COL19A1: variants seen among roughly 807,000 people sequenced by gnomAD.
The protein encoded by COL19A1 is collagen alpha-1(XIX) chain.
Under a neutral mutation model 190.2 loss-of-function variants are expected in COL19A1, and 159 were observed. The ratio of observed to expected loss-of-function variants is 0.84; its 90% CI spans 0.73 to 0.95. The LOEUF is 0.95. Ranked by LOEUF, COL19A1 falls within the 40% of genes least tolerant of loss-of-function variation. The pLI, the probability that COL19A1 is intolerant of heterozygous loss-of-function variation, is 0.00. For missense variants in COL19A1, 1,418 were observed against 1,431.9 expected (o/e 0.99, Z 0.16); for synonymous variants, 509 against 458.9 (o/e 1.11, Z -1.39).
intron 4 of COL19A1, among the ~76,000 whole-genome samples, chr6:69,915,207 A>G (rs1771209732): frequency 6.6e-6 from 1 of 152,196 alleles, no homozygotes. Flanking sequence ...AAGTAAACAA[A>G]TTTATGAGCT....
At chr6:70,197,507 T>A (rs17690121) in intron 48 of COL19A1, among the ~76,000 whole-genome samples, 5,897 of 152,258 alleles carry the variant, frequency 0.039, 153 homozygotes, top group Non-Finnish European at 0.059. Flanking sequence ...CTGTGATTAT[T>A]GAATTTCATA....
At chr6:70,101,022 A>G (rs1055127228) in intron 15 of COL19A1, among the ~76,000 whole-genome samples, 8 of 152,198 alleles carry the variant, frequency 5.3e-5, no homozygotes, top group African/African-American at 1.9e-4. Flanking sequence ...GATGAAAATC[A>G]GAGGAATCAG....
chr6:70,043,358 A>AT (rs1438142330), intron 14 of COL19A1, among the ~76,000 whole-genome samples: 1 of 151,740 alleles, frequency 6.6e-6, no homozygotes, highest in Non-Finnish European at 1.5e-5. Flanking sequence ...TGCCTGGCTA[A>AT]TTTTTTTGTA....
intron 16 of COL19A1, among the ~76,000 whole-genome samples, chr6:70,118,493 T>A (rs1784708583): frequency 6.6e-6 from 1 of 152,184 alleles, no homozygotes; most frequent in Admixed American, 6.5e-5. Flanking sequence ...GTATAAAGTA[T>A]TGCCTGCAGG....
intron 18 of COL19A1, among the ~76,000 whole-genome samples, chr6:70,135,324 A>G (rs1199247965): frequency 6.6e-6 from 1 of 152,136 alleles, no homozygotes; most frequent in African/African-American, 2.4e-5. Flanking sequence ...TGACCAAGTT[A>G]ACCTTCAGTC....
intron 11 of COL19A1, among the ~76,000 whole-genome samples, chr6:69,992,195 A>C (rs559505762): frequency 9.9e-5 from 15 of 152,206 alleles, no homozygotes; most frequent in African/African-American, 3.6e-4. Flanking sequence ...CTTGTCGAAA[A>C]TCAGATGGTT....
chr6:70,045,283 G>A (rs932866986), intron 14 of COL19A1, among the ~76,000 whole-genome samples: 12 of 136,180 alleles, frequency 8.8e-5, no homozygotes, highest in Non-Finnish European at 1.5e-4. Context: ...TGGCACTCCA[G>A]CCTGGGCAAC....
intron 19 of COL19A1, among the ~76,000 whole-genome samples, chr6:70,138,584 G>A (rs530183533): frequency 1.3e-4 from 20 of 152,038 alleles, no homozygotes; most frequent in African/African-American, 4.6e-4. Context: ...GTTTATCAGG[G>A]GATAAAACAT....
intron 48 of COL19A1, among the ~76,000 whole-genome samples, chr6:70,191,279 T>A (rs1157232680): frequency 6.6e-6 from 1 of 152,232 alleles, no homozygotes. Context: ...TATTTTTAAA[T>A]GAGGTGTTTC....
At chr6:70,043,643 T>C (rs925136588) in intron 14 of COL19A1, among the ~76,000 whole-genome samples, 4 of 152,210 alleles carry the variant, frequency 2.6e-5, no homozygotes, top group African/African-American at 9.6e-5. Flanking sequence ...AGATGCGTTG[T>C]CAATGAGCAG....
At chr6:70,039,531 G>C (rs752588794) in intron 14 of COL19A1, among the ~76,000 whole-genome samples, 2 of 152,074 alleles carry the variant, frequency 1.3e-5, no homozygotes, top group Non-Finnish European at 2.9e-5. Context: ...ACAACTTCAG[G>C]ACACAGAATT....
intron 14 of COL19A1, chr6:70,059,843 A>G (rs773333859): frequency 2.0e-6 from 1 of 501,776 alleles, no homozygotes; most frequent in South Asian, 1.5e-5. Flanking sequence ...AACTCAATTT[A>G]CAGTTATTTT....
At chr6:69,897,458 TACACACAC>T (rs71760023) in intron 2 of COL19A1, among the ~76,000 whole-genome samples, 116 of 145,318 alleles carry the variant, frequency 8.0e-4, no homozygotes, top group Non-Finnish European at 1.3e-3. Flanking sequence ...TTGTCAGTTT[TACACACAC>T]ACACACACAC....
chr6:70,052,003 T>C (rs1780231390), intron 14 of COL19A1, among the ~76,000 whole-genome samples: 1 of 152,052 alleles, frequency 6.6e-6, no homozygotes, highest in Non-Finnish European at 1.5e-5. Flanking sequence ...AAGTCTATCT[T>C]AGAAAGCCAG....
intron 1 of COL19A1, among the ~76,000 whole-genome samples, chr6:69,875,471 C>T (rs1348348973): frequency 6.6e-6 from 1 of 151,956 alleles, no homozygotes; most frequent in Non-Finnish European, 1.5e-5. Flanking sequence ...TGAATGAATT[C>T]AGTAATTAAT....
chr6:69,976,681 G>A (rs971436479), intron 11 of COL19A1, among the ~76,000 whole-genome samples: 8 of 152,258 alleles, frequency 5.3e-5, no homozygotes, highest in African/African-American at 1.9e-4. Flanking sequence ...TTTAGAGTAA[G>A]AACAAAGTAT....
rs866078671 is a variant in COL19A1, at chr6:70,211,433, C to A, written c.*4159C>A. Among the ~76,000 whole-genome samples the A allele has an allele frequency of 2.6e-5, 4 of 151,612 alleles. No homozygotes were observed. The highest frequency in any genetic ancestry group is 4.4e-5 in the Non-Finnish European group (3 of 67,912). On this transcript the variant is annotated 3_prime_UTR_variant, in exon 51 of 51. Coordinates refer to ENST00000620364, the MANE Select transcript of COL19A1 (RefSeq NM_001858.6). ...AGTGTTTACTGTCGCAGTTTCCCAG[C>A]GTTATTTCTTAATACTTGAGTGTTG...
intron 40 of COL19A1, among the ~76,000 whole-genome samples, chr6:70,170,178 A>G (rs1043217455): frequency 2.0e-5 from 3 of 152,166 alleles, no homozygotes; most frequent in Admixed American, 2.0e-4. Flanking sequence ...TAGTGTACAC[A>G]TTCAGCCTCA....
chr6:69,919,820 C>T (rs1413487978), intron 4 of COL19A1, among the ~76,000 whole-genome samples: 1 of 151,940 alleles, frequency 6.6e-6, no homozygotes, highest in African/African-American at 2.4e-5. Flanking sequence ...TGCTTTTTCT[C>T]CTAATGCTTC....
Sources: gnomAD v4.1 joint callset for allele counts (sites outside exome capture counted in the v4.1 genomes callset) on GRCh38, gnomAD v4.1.1 for gene constraint, MANE v1.5 for transcripts, NCBI Gene and HGNC (gene_info 2026-07-23, HGNC 2026-07-21) for gene names.